Variants in MTA3 observed in about 807,000 individuals in gnomAD.
The protein encoded by MTA3 is metastasis associated 1 family member 3.
In MTA3, 34 loss-of-function variants were observed where a neutral mutation model predicts 83.5. The ratio of observed to expected loss-of-function variants is 0.41; its 90% confidence interval spans 0.31 to 0.54. The LOEUF is 0.54. Among genes scored for constraint, MTA3 ranks in the 20% least tolerant of loss-of-function variants. The pLI, the probability that MTA3 is intolerant of heterozygous loss-of-function variation, is 0.33. For synonymous variants in MTA3, 303 were observed against 252.7 expected (o/e 1.20, Z -1.89); for missense variants, 761 against 726.4 (o/e 1.05, Z -0.55).
chr2:42,734,903 A>G (rs4952921), intron 16 of MTA3, among the ~76,000 whole-genome samples: 78,869 of 151,926 alleles, frequency 0.52, 20,839 homozygotes, highest in East Asian at 0.69. Context: ...GTTTATATTT[A>G]TATCTTATAC....
chr2:42,571,055 G>T (rs1293494717), intron 2 of MTA3, among the ~76,000 whole-genome samples: 1 of 151,650 alleles, frequency 6.6e-6, no homozygotes, highest in East Asian at 1.9e-4. Flanking sequence ...CTGGGTAAAG[G>T]GGCATAAGAG....
At chr2:42,605,780 A>C (rs1388929166) in intron 3 of MTA3, among the ~76,000 whole-genome samples, 12 of 105,880 alleles carry the variant, frequency 1.1e-4, no homozygotes, top group East Asian at 6.4e-4. Context: ...ACTTCCCAGA[A>C]GGGGCGGCCG....
chr2:42,644,612 G>A (rs1361767406), intron 6 of MTA3, among the ~76,000 whole-genome samples: 13 of 152,002 alleles, frequency 8.6e-5, no homozygotes, highest in Admixed American at 8.5e-4. Context: ...AAAATTTGAA[G>A]GTTTGTGGCA....
At chr2:42,666,599 C>T (rs1393759074) in intron 8 of MTA3, among the ~76,000 whole-genome samples, 1 of 152,188 alleles carries the variant, frequency 6.6e-6, no homozygotes, top group Admixed American at 6.5e-5. Context: ...CTTGGCTAAT[C>T]CATCACTTTA....
intron 4 of MTA3, among the ~76,000 whole-genome samples, chr2:42,623,730 T>C (rs1193286831): frequency 6.7e-6 from 1 of 148,926 alleles, no homozygotes; most frequent in African/African-American, 2.5e-5. Context: ...ACAGAGTCTG[T>C]CGCCCAGGCA....
intron 3 of MTA3, among the ~76,000 whole-genome samples, chr2:42,601,136 A>G (rs1682521061): frequency 6.6e-6 from 1 of 151,666 alleles, no homozygotes; most frequent in Non-Finnish European, 1.5e-5. Flanking sequence ...CCATCTCTTG[A>G]TCTCACGATC....
intron 2 of MTA3, among the ~76,000 whole-genome samples, chr2:42,524,248 T>C (rs77284754): frequency 0.012 from 1,847 of 152,128 alleles, 32 homozygotes; most frequent in African/African-American, 0.041. Context: ...CTCCCTTTGA[T>C]TGACCTCCTG....
chr2:42,511,928 A>C (rs1188048581), intron 2 of MTA3: 1 of 151,898 alleles, frequency 6.6e-6, no homozygotes, highest in Non-Finnish European at 1.5e-5. Flanking sequence ...GAAGCAGGAG[A>C]ATGGCGTGAA....
At chr2:42,658,581 T>C (rs1573507841) in intron 7 of MTA3, among the ~76,000 whole-genome samples, 1 of 152,298 alleles carries the variant, frequency 6.6e-6, no homozygotes, top group East Asian at 1.9e-4. Context: ...TGATTCTATT[T>C]GAGCAAAACT....
intron 6 of MTA3, among the ~76,000 whole-genome samples, chr2:42,647,484 C>A (rs1688323995): frequency 1.3e-5 from 2 of 152,044 alleles, no homozygotes; most frequent in Non-Finnish European, 2.9e-5. Flanking sequence ...ACCTTGGCCT[C>A]CCAAAGTGCT....
chr2:42,497,004 G>A (rs1351271938), intron 2 of MTA3, among the ~76,000 whole-genome samples: 1 of 152,062 alleles, frequency 6.6e-6, no homozygotes, highest in African/African-American at 2.4e-5. Context: ...TCAGGAGTTC[G>A]AGACCAGCTT....
At position 42,755,314 on chromosome 2, in the gene MTA3, C is replaced by T. The variant is rs560088992; in HGVS notation, c.*1915C>T. ...CAGATTCTGGAAACAATTAGCTGCC[C>T]GTGACTCAGCTGCCAGCTTCATTTT... On this transcript the variant is annotated 3_prime_UTR_variant, in exon 17 of 17. Coordinates refer to ENST00000405094, the MANE Select transcript of MTA3 (RefSeq NM_001330442.2). 6.7e-5 allele frequency: 66 copies of T among 985,436 alleles called. No homozygotes were observed. Among genetic ancestry groups the T allele is most frequent in the Non-Finnish European group, 7.8e-5 (65 of 829,964 alleles). 61.0% of individuals were successfully genotyped at this position (985,436 alleles called of 1,614,324 possible).
intron 4 of MTA3, among the ~76,000 whole-genome samples, chr2:42,633,762 C>T (rs1187914674): frequency 2.6e-5 from 4 of 151,340 alleles, no homozygotes; most frequent in African/African-American, 7.3e-5. Context: ...GCCGTGGTGG[C>T]GGGCGCCTGT....
chr2:42,753,314 T>A, intron 16 of MTA3, 60 bp from the exon 17 acceptor site: 1 of 1,549,554 alleles, frequency 6.5e-7, no homozygotes, highest in Admixed American at 2.0e-5. Flanking sequence ...ATCCTCCCTT[T>A]CATCTTGCCT....
At chr2:42,527,845 A>G (rs2103712098) in intron 2 of MTA3, among the ~76,000 whole-genome samples, 1 of 151,776 alleles carries the variant, frequency 6.6e-6, no homozygotes, top group East Asian at 1.9e-4. Flanking sequence ...AAACAAAAAC[A>G]AGTGCTATTT....
At chr2:42,747,140 C>T (rs1573842653) in intron 16 of MTA3, among the ~76,000 whole-genome samples, 2 of 152,208 alleles carry the variant, frequency 1.3e-5, no homozygotes, top group South Asian at 4.2e-4. Flanking sequence ...GCTGGGACCA[C>T]AGTCACATGC....
intron 3 of MTA3, among the ~76,000 whole-genome samples, chr2:42,588,185 G>T (rs1680561137): frequency 1.3e-5 from 2 of 152,116 alleles, no homozygotes; most frequent in Non-Finnish European, 2.9e-5. Flanking sequence ...CTCATTGCTA[G>T]AATGAGACAG....
At chr2:42,550,687 T>C (rs1421241504) in intron 2 of MTA3, among the ~76,000 whole-genome samples, 1 of 152,082 alleles carries the variant, frequency 6.6e-6, no homozygotes, top group Non-Finnish European at 1.5e-5. Flanking sequence ...TCCTTGAATA[T>C]TGTGCTAAGG....
At chr2:42,744,592 T>C (rs1422068632) in intron 16 of MTA3, among the ~76,000 whole-genome samples, 1 of 151,998 alleles carries the variant, frequency 6.6e-6, no homozygotes, top group East Asian at 1.9e-4. Context: ...AAGGAAAGTG[T>C]AGCTCTGACT....
Sources: allele counts gnomAD v4.1 joint callset (sites outside exome capture counted in the v4.1 genomes callset), GRCh38; gene constraint gnomAD v4.1.1; transcripts MANE v1.5; gene names NCBI Gene and HGNC (gene_info 2026-07-23, HGNC 2026-07-21).